Variants in NRXN2 observed in about 807,000 individuals in gnomAD.
NRXN2 encodes the protein neurexin 2, also known as neurexin-2-beta.
Under a neutral mutation model 128.8 loss-of-function variants are expected in NRXN2, and 29 were observed. The observed-to-expected ratio is 0.23, with a 90% CI of 0.17 to 0.31. The LOEUF (loss-of-function observed/expected upper bound fraction) is 0.31, where lower values mean the gene tolerates loss of function less well. NRXN2 is among the 10% of genes least tolerant of loss of function. The pLI is 1.00. For synonymous variants in NRXN2, 1,098 were observed against 1,075.2 expected, an observed-to-expected ratio of 1.02 and a Z score of -0.41; for missense variants, 1,881 against 2,452.6, an observed-to-expected ratio of 0.77 and a Z score of 4.92.
Position 64,607,054 on chromosome 11 carries a change from C to CT in NRXN2, c.*141dup, listed in dbSNP as rs1008544463. The stretch of plus-strand genomic sequence containing the variant: ...GGGCGAGCACGGGGTTTTTCCTTTT[C>CT]TTTTTTTGCGTTTCCTCTTCGTAAG... On this transcript the variant is annotated 3_prime_UTR_variant, in exon 23 of 23. Coordinates refer to ENST00000265459, the MANE Select transcript of NRXN2 (RefSeq NM_015080.4). 1.1e-5 allele frequency: 10 copies of CT among 919,680 alleles called. No individual in the cohort carries two copies. Among genetic ancestry groups the CT allele is most frequent in the Non-Finnish European group, 1.3e-5 (8 of 627,100 alleles). 57.0% of individuals were successfully genotyped at this position (919,680 alleles called of 1,614,324 possible). A position where few individuals can be genotyped will look rare whatever the true frequency, so the allele number is the denominator to read the frequency against.
intron 1 of NRXN2, among the ~76,000 whole-genome samples, chr11:64,715,311 C>T (rs1253757748): frequency 1.3e-5 from 2 of 152,170 alleles, no homozygotes; most frequent in Admixed American, 6.5e-5. Flanking sequence ...CAAGGTCACA[C>T]GGCCAGTCAG....
intron 22 of NRXN2, among the ~76,000 whole-genome samples, chr11:64,609,301 C>A (rs932628848): frequency 6.6e-6 from 1 of 152,080 alleles, no homozygotes; most frequent in Non-Finnish European, 1.5e-5. Context: ...CTGGCCAGGG[C>A]TTGACTGCCT....
intron 3 of NRXN2, 66 bp from the exon 4 acceptor site, chr11:64,692,942 A>G (rs1018476455): frequency 7.4e-7 from 1 of 1,351,426 alleles, no homozygotes; most frequent in Non-Finnish European, 1.0e-6. Context: ...AGAAAAGGGG[A>G]AAGAAACAAA....
chr11:64,634,300 G>A (rs2044359499), intron 18 of NRXN2, among the ~76,000 whole-genome samples: 1 of 152,216 alleles, frequency 6.6e-6, no homozygotes, highest in Non-Finnish European at 1.5e-5. Context: ...TACAGATGAA[G>A]ACTGAGGGCA....
At chr11:64,654,702 A>C (rs369571745) in intron 11 of NRXN2, among the ~76,000 whole-genome samples, 2 of 152,196 alleles carry the variant, frequency 1.3e-5, no homozygotes. Context: ...CCAGGGTCCT[A>C]TGAAGTCCAG....
At position 64,667,571 on chromosome 11, in the gene NRXN2, C is replaced by T; in HGVS notation, c.1477G>A (p.Asp493Asn). The T allele has an allele frequency of 6.2e-7, 1 of 1,614,198 alleles. No homozygotes were observed. ...TCGGGACTCTCAAAGGTCACAGGGT[C>T]CAGGGCAGCCACATCCTCACAGCGG... ...SFRCEDVAAL[D>N]PVTFESPEAF... is the part of the protein sequence containing the mutation. The change falls in exon 9 of 23, where the codon GAC (aspartate) becomes AAC (asparagine). Residue 493 changes from aspartate to asparagine, a missense_variant. Physicochemically the swap from Asp to Asn is conservative, Grantham distance 23. This residue lies in a region of NRXN2 where 997 missense variants were observed against 1,240.8 expected (regional missense o/e 0.80). Coordinates refer to ENST00000265459, the MANE Select transcript of NRXN2 (RefSeq NM_015080.4). The surrounding 1 kb of genome is among the most constrained non-coding windows in gnomAD (Gnocchi z 5.6).
chr11:64,608,028 A>G lies in NRXN2; in HGVS notation c.4307T>C (p.Val1436Ala). The stretch of plus-strand genomic sequence containing the variant: ...GGGCACGAAGGGGGATCGGGTGGCC[A>G]CGGGAGGGGGGTCTAAGGAGTCCTC... The part of the protein sequence containing the change: ...ITEDSLDPPP[V>A]ATRSPFVPPP... Residue 1436 changes from valine to alanine, a missense_variant, in exon 23 of 23, where the codon GTG (valine) becomes GCG (alanine). Physicochemically the swap from Val to Ala is moderately conservative, Grantham distance 64. Transcript: ENST00000265459. 6.4e-7 allele frequency: 1 copy of G among 1,565,286 alleles called. No individual in the cohort carries two copies. Among genetic ancestry groups the G allele is most frequent in the Non-Finnish European group, 8.6e-7 (1 of 1,160,516 alleles).
At chr11:64,624,494 T>TAC (rs909698740) in intron 20 of NRXN2, among the ~76,000 whole-genome samples, 11 of 152,350 alleles carry the variant, frequency 7.2e-5, no homozygotes, top group Admixed American at 5.9e-4. Context: ...GCAGCTCTGG[T>TAC]ACAAGTCCTG....
At chr11:64,626,441 T>C in intron 20 of NRXN2, 22 bp downstream of exon 20, 1 of 1,552,596 alleles carries the variant, frequency 6.4e-7, no homozygotes, top group Non-Finnish European at 8.9e-7. Context: ...AATTAATTAA[T>C]TAATTAATTC....
At chr11:64,672,674 A>G (rs551721765) in intron 7 of NRXN2, among the ~76,000 whole-genome samples, 1 of 152,262 alleles carries the variant, frequency 6.6e-6, no homozygotes, top group Non-Finnish European at 1.5e-5. Context: ...AGGTCCTGGC[A>G]TCCCCTTAGG....
chr11:64,721,193 C>T (rs1008842328), intron 1 of NRXN2, among the ~76,000 whole-genome samples: 2 of 151,704 alleles, frequency 1.3e-5, no homozygotes, highest in Non-Finnish European at 2.9e-5. Context: ...GCGCGTGTAT[C>T]ATTGTCAGAG....
In NRXN2 at chr11:64,623,423, C is replaced by A; in HGVS notation, c.3848-345G>T. On this transcript the variant is annotated intron_variant, in intron 20 of 22. Transcript: ENST00000265459. The surrounding 1 kb of genome is among the most constrained non-coding windows in gnomAD (Gnocchi z 4.9). Reference sequence around the variant, plus strand: ...CAGCTCCAAGGTCATCTCCCCTCTTCATCCTCTTCCCTCAGTCCATCCCCA... The same window carrying A: ...CAGCTCCAAGGTCATCTCCCCTCTTAATCCTCTTCCCTCAGTCCATCCCCA... The A allele has an allele frequency of 2.7e-6, 1 of 371,260 alleles. No homozygotes were observed. Among genetic ancestry groups the A allele is most frequent in the Non-Finnish European group, 5.0e-6 (1 of 198,462 alleles). The allele number at this position is 371,260 out of a possible 1,614,324, so 23.0% of individuals were successfully genotyped here.
chr11:64,715,820 C>T (rs531274587), intron 1 of NRXN2, among the ~76,000 whole-genome samples: 3 of 152,328 alleles, frequency 2.0e-5, no homozygotes, highest in African/African-American at 7.2e-5. Context: ...TATATATAGC[C>T]TTGCCACTGC....
chr11:64,676,877 T>C (rs2051393996), intron 7 of NRXN2, 116 bp downstream of exon 7: 3 of 796,344 alleles, frequency 3.8e-6, no homozygotes, highest in Non-Finnish European at 6.6e-6. Context: ...AAAAAACAAT[T>C]GGAAGAGCAA....
chr11:64,611,267 C>A (rs1052308360), intron 22 of NRXN2, among the ~76,000 whole-genome samples: 4 of 152,154 alleles, frequency 2.6e-5, no homozygotes, highest in African/African-American at 9.7e-5. Flanking sequence ...AACACCCCAC[C>A]CCCTCCACCC....
intron 2 of NRXN2, among the ~76,000 whole-genome samples, chr11:64,710,736 C>T (rs1374129080): frequency 6.6e-6 from 1 of 152,110 alleles, no homozygotes; most frequent in Non-Finnish European, 1.5e-5. Context: ...TGAGGCCTCA[C>T]GTTAAAACAC....
At chr11:64,680,379 C>T (rs903203299) in intron 6 of NRXN2, among the ~76,000 whole-genome samples, 1 of 152,170 alleles carries the variant, frequency 6.6e-6, no homozygotes, top group Non-Finnish European at 1.5e-5. Context: ...TTCAGACATA[C>T]AAGCAGAACA....
At chr11:64,703,732 T>A (rs1232863251) in intron 2 of NRXN2, among the ~76,000 whole-genome samples, 2 of 152,220 alleles carry the variant, frequency 1.3e-5, no homozygotes, top group African/African-American at 4.8e-5. Context: ...CTTCAAGGTC[T>A]GGCCAAGTCC....
chr11:64,607,839 TC>T lies in NRXN2; in HGVS notation c.4495del (p.Glu1499ArgfsTer67). On this transcript the variant is annotated frameshift_variant, in exon 23 of 23. Coordinates refer to ENST00000265459, the MANE Select transcript of NRXN2 (RefSeq NM_015080.4). LOFTEE classifies it low-confidence loss of function (END_TRUNC). The part of the protein sequence containing the change: ...PIEASGFASG[E>X]VFDSSLPPTD... ...GGGGGGGAGGCTGGAGTCAAAGACC[TC>T]CCCGGAGGCGAAGCCCGAGGCCTCG... 1 of 1,600,148 alleles carries T rather than the reference TC, an allele frequency of 6.2e-7. No individual in the cohort carries two copies. Among genetic ancestry groups the T allele is most frequent in the Non-Finnish European group, 8.5e-7 (1 of 1,174,104 alleles).
Sources: gnomAD v4.1 joint callset for allele counts (sites outside exome capture counted in the v4.1 genomes callset) on GRCh38, gnomAD v4.1.1 for gene constraint, gnomAD v4.1.1 regional missense constraint, Gnocchi (gnomAD v3.1) non-coding constraint, MANE v1.5 for transcripts, NCBI Gene and HGNC (gene_info 2026-07-23, HGNC 2026-07-21) for gene names.